The following TOP3A variants were observed in gnomAD, a reference collection of about 807,000 sequenced individuals.
The protein encoded by TOP3A is DNA topoisomerase III alpha.
In TOP3A, 64 loss-of-function variants were observed where a neutral mutation model predicts 111.3. The ratio of observed to expected loss-of-function variants is 0.57; its 90% confidence interval spans 0.47 to 0.71. The LOEUF is 0.71. TOP3A is among the 30% of genes least tolerant of loss of function. The pLI, the probability that TOP3A is intolerant of heterozygous loss-of-function variation, is 0.00. For synonymous variants in TOP3A, 484 were observed against 485.1 expected, an observed-to-expected ratio of 1.00 and a Z score of 0.03; for missense variants, 1,104 against 1,285.0, an observed-to-expected ratio of 0.86 and a Z score of 2.15.
intron 3 of TOP3A, 37 bp downstream of exon 3, chr17:18,308,314 A>G: frequency 7.5e-7 from 1 of 1,341,920 alleles, no homozygotes; most frequent in Non-Finnish European, 1.0e-6. Context: ...ACAACTTACT[A>G]TAATCTGAAA....
Position 18,271,595 on chromosome 17 carries a change from G to T in TOP3A, c.*3207C>A. ...GGCCAGGAAGTGGGAGCTGAGCCTGGGTCTGTCTGATCTCAGATGCCTGGC... is the reference window on the plus strand; with the variant it reads ...GGCCAGGAAGTGGGAGCTGAGCCTGTGTCTGTCTGATCTCAGATGCCTGGC... On this transcript the variant is annotated 3_prime_UTR_variant, in exon 19 of 19. Coordinates refer to ENST00000321105, the MANE Select transcript of TOP3A (RefSeq NM_004618.5). 1 of 267,412 alleles carries T rather than the reference G, an allele frequency of 3.7e-6. No individual in the cohort carries two copies. The highest frequency in any genetic ancestry group is 2.9e-5 in the South Asian group (1 of 34,552). The allele number at this position is 267,412 out of a possible 1,614,324, so 16.6% of individuals were successfully genotyped here. A position where few individuals can be genotyped will look rare whatever the true frequency, so the allele number is the denominator to read the frequency against.
chr17:18,279,182 T>G (rs1313490814), intron 17 of TOP3A, among the ~76,000 whole-genome samples: 1 of 152,214 alleles, frequency 6.6e-6, no homozygotes, highest in East Asian at 1.9e-4. Context: ...ATTTTGCTTT[T>G]GAAAATAGGT....
In TOP3A at chr17:18,274,997, G is replaced by T. The variant is rs762882821; in HGVS notation, c.2828-17C>A. On this transcript the variant is annotated splice_polypyrimidine_tract_variant and intron_variant, in intron 18 of 18. Transcript: ENST00000321105. ...CAGAAGTCCCTGTCGGGAGAGTCAG[G>T]GGAGGGGTGAGGTTAGAACTGACAT... 1.9e-6 allele frequency: 3 copies of T among 1,611,708 alleles called. No homozygotes were observed. The highest frequency in any genetic ancestry group is 2.5e-6 in the Non-Finnish European group (3 of 1,178,894).
chr17:18,290,709 C>T (rs758878699), intron 12 of TOP3A, 23 bp from the exon 13 acceptor site: 1 of 1,580,492 alleles, frequency 6.3e-7, no homozygotes, highest in Admixed American at 1.8e-5. Flanking sequence ...GCAGGTGCAA[C>T]AGTCAGATGA....
At chr17:18,294,381 G>A (rs554386512) in intron 10 of TOP3A, among the ~76,000 whole-genome samples, 118 of 151,834 alleles carry the variant, frequency 7.8e-4, no homozygotes, top group African/African-American at 2.8e-3. Flanking sequence ...CCAGGCTGGA[G>A]TGCAGCGGTG....
At chr17:18,311,564 G>C (rs1214205344) in intron 1 of TOP3A, among the ~76,000 whole-genome samples, 4 of 152,206 alleles carry the variant, frequency 2.6e-5, no homozygotes, top group African/African-American at 7.2e-5. Flanking sequence ...CAACTGCTGG[G>C]ATTACAGGCA....
rs545387929 is a variant in TOP3A at position 18,313,516 on chromosome 17, T to G, written c.180+1083A>C. The G allele has an allele frequency of 6.1e-5, 10 of 164,860 alleles. 1 individual carries two copies. In the South Asian group the frequency reaches 1.6e-3, roughly 26 times the overall value. The allele number at this position is 164,860 out of a possible 1,614,324, so 10.2% of individuals were successfully genotyped here. On this transcript the variant is annotated intron_variant, in intron 1 of 18. Transcript: ENST00000321105. ...GCCTGAGCCGCTGGAACCTATTCCC[T>G]ATGGATTCATGGTATGATAGGGTAA...
At chr17:18,285,587 C>T (rs1365878294) in intron 13 of TOP3A, 67 bp from the exon 14 acceptor site, 5 of 1,345,378 alleles carry the variant, frequency 3.7e-6, no homozygotes, top group Non-Finnish European at 4.2e-6. Context: ...GGCGCATGGG[C>T]ACCTTGCTCA....
chr17:18,314,530 G>A, intron 1 of TOP3A, 69 bp downstream of exon 1: 1 of 1,481,254 alleles, frequency 6.8e-7, no homozygotes, highest in Non-Finnish European at 9.1e-7. Flanking sequence ...GATTCTTGGC[G>A]CCCACCACGC....
intron 9 of TOP3A, among the ~76,000 whole-genome samples, chr17:18,296,041 C>T (rs1431645436): frequency 4.3e-4 from 65 of 152,116 alleles, no homozygotes; most frequent in Admixed American, 4.2e-3. Flanking sequence ...GCTGAGATTA[C>T]AGGCGTGAGC....
At chr17:18,305,487 C>CACACGT (rs1981512677) in intron 4 of TOP3A, among the ~76,000 whole-genome samples, 1 of 120,792 alleles carries the variant, frequency 8.3e-6, no homozygotes, top group African/African-American at 2.8e-5. Context: ...CACACACACA[C>CACACGT]GCGCGCGCGC....
chr17:18,313,634 G>A (rs1253787831), intron 1 of TOP3A: 3 of 149,530 alleles, frequency 2.0e-5, no homozygotes, highest in African/African-American at 7.4e-5. Flanking sequence ...TGAAGGATAA[G>A]AAGTTAGGCG....
chr17:18,281,639 G>A (rs1979766773), intron 16 of TOP3A, among the ~76,000 whole-genome samples: 1 of 152,194 alleles, frequency 6.6e-6, no homozygotes, highest in Non-Finnish European at 1.5e-5. Flanking sequence ...GCTTCTGTCT[G>A]TGAGTGACGC....
intron 9 of TOP3A, among the ~76,000 whole-genome samples, chr17:18,297,465 G>C (rs71372276): frequency 0.41 from 53,829 of 130,434 alleles, 11,039 homozygotes; most frequent in African/African-American, 0.58. Flanking sequence ...CACGGTCTCC[G>C]TCTCCCTCTC....
At chr17:18,308,833 C>G in intron 2 of TOP3A, 49 bp downstream of exon 2, 1 of 1,298,024 alleles carries the variant, frequency 7.7e-7, no homozygotes. Context: ...AGGCTGACTA[C>G]TTTCTCTTGC....
chr17:18,283,943 C>T (rs1438403861), intron 15 of TOP3A, among the ~76,000 whole-genome samples: 1 of 152,150 alleles, frequency 6.6e-6, no homozygotes, highest in African/African-American at 2.4e-5. Context: ...CAAACACCCA[C>T]CCTCCAGGAG....
chr17:18,298,871 T>A (rs1981036914), intron 9 of TOP3A, among the ~76,000 whole-genome samples: 2 of 151,454 alleles, frequency 1.3e-5, no homozygotes, highest in South Asian at 4.2e-4. Flanking sequence ...TCCTTAAGAG[T>A]CATCACCACT....
At chr17:18,309,031 G>A in intron 1 of TOP3A, 90 bp from the exon 2 acceptor site, 1 of 725,796 alleles carries the variant, frequency 1.4e-6, no homozygotes. Context: ...ATTTGGCAAT[G>A]ATTTCTTGGT....
At chr17:18,303,072 T>C (rs75900542) in intron 5 of TOP3A, 5,020 of 201,818 alleles carry the variant, frequency 0.025, 88 homozygotes, top group Middle Eastern at 0.038. Context: ...TTTGAGATGC[T>C]GTTAATAATC....
Sources: allele counts gnomAD v4.1 joint callset (sites outside exome capture counted in the v4.1 genomes callset), GRCh38; gene constraint gnomAD v4.1.1; transcripts MANE v1.5; gene names NCBI Gene and HGNC (gene_info 2026-07-23, HGNC 2026-07-21).